HELZ: variants seen among roughly 807,000 people sequenced by gnomAD.
The protein encoded by HELZ is helicase with zinc finger, also known as ATP-dependent RNA helicase with zinc finger domain.
In HELZ, 23 loss-of-function variants were observed where a neutral mutation model predicts 218.2. That is an observed-to-expected ratio of 0.11 (90% confidence interval 0.08 to 0.15). The LOEUF (loss-of-function observed/expected upper bound fraction) is 0.15, where lower values mean the gene tolerates loss of function less well. Among genes scored for constraint, HELZ ranks in the 10% least tolerant of loss-of-function variants. The pLI, the probability that HELZ is intolerant of heterozygous loss-of-function variation, is 1.00. For missense variants in HELZ, 1,813 were observed against 2,353.7 expected, an observed-to-expected ratio of 0.77 and a Z score of 4.75; for synonymous variants, 814 against 829.4, an observed-to-expected ratio of 0.98 and a Z score of 0.32.
In HELZ at chr17:67,072,656, G is replaced by C. The variant is rs1318049442; in HGVS notation, c.*5596C>G. ...CGGAAGAGCAGTGCAGACCCCAGCA[G>C]GGGTGAGAGTGAGGAGGGGTGGTGG... On this transcript the variant is annotated 3_prime_UTR_variant, in exon 33 of 33. Coordinates refer to ENST00000358691, the MANE Select transcript of HELZ (RefSeq NM_014877.4). 1 of 152,284 alleles carries C rather than the reference G, an allele frequency of 6.6e-6. No individual in the cohort carries two copies. Among genetic ancestry groups the C allele is most frequent in the South Asian group, 2.1e-4 (1 of 4,836 alleles). The allele number at this position is 152,284 out of a possible 1,614,324, so 9.4% of individuals were successfully genotyped here.
rs942332794 is a variant in HELZ, at chr17:67,178,545, T to A, written c.1430+114A>T. 9.7e-6 allele frequency: 8 copies of A among 826,088 alleles called. No homozygotes were observed. In the African/African-American group the frequency reaches 1.4e-4, roughly 14 times the overall value. 51.2% of individuals were successfully genotyped at this position (826,088 alleles called of 1,614,324 possible). On this transcript the variant is annotated intron_variant, in intron 13 of 32. Coordinates refer to ENST00000358691, the MANE Select transcript of HELZ (RefSeq NM_014877.4). ...TCCTTTAAAGATAGAATACAGTTAT[T>A]CAATAACAACCATTTACTACCTGTC...
At chr17:67,244,922 G>T in intron 1 of HELZ, 1 of 985,882 alleles carries the variant, frequency 1.0e-6, no homozygotes, top group Non-Finnish European at 1.2e-6. Context: ...GGAGGGGAAG[G>T]GGACTAAGTA....
intron 3 of HELZ, among the ~76,000 whole-genome samples, chr17:67,230,411 C>T (rs2041005085): frequency 1.3e-5 from 2 of 152,018 alleles, no homozygotes; most frequent in South Asian, 4.1e-4. Flanking sequence ...TCCTGGCCAA[C>T]ATGGTGAAAC....
At chr17:67,196,382 T>C (rs2040028845) in intron 7 of HELZ, among the ~76,000 whole-genome samples, 1 of 152,212 alleles carries the variant, frequency 6.6e-6, no homozygotes. Flanking sequence ...ACCATAGCAC[T>C]TTTTCTAAAC....
At chr17:67,180,360 T>TA (rs969700778) in intron 12 of HELZ, among the ~76,000 whole-genome samples, 6 of 151,696 alleles carry the variant, frequency 4.0e-5, no homozygotes, top group South Asian at 2.1e-4. Flanking sequence ...TAACTATCAT[T>TA]AAAAAAAATA....
intron 3 of HELZ, among the ~76,000 whole-genome samples, chr17:67,220,115 C>G (rs2040705652): frequency 6.6e-6 from 1 of 152,188 alleles, no homozygotes; most frequent in South Asian, 2.1e-4. Context: ...CCGCCTGCCT[C>G]CAGCCTACAT....
chr17:67,108,675 C>T lies in HELZ; in HGVS notation c.4541G>A (p.Arg1514Gln), dbSNP rs547752300. 5.2e-5 allele frequency: 84 copies of T among 1,614,044 alleles called. No homozygotes were observed. The South Asian group carries it at 7.7e-4, about 15-fold the overall frequency. ...ALETLRQQQA[R>Q]FQQWSEHHAF... ...ATGATGCTCGCTCCACTGCTGGAAC[C>T]GTGCCTGCTGCTGCCTTAATGTTTC... The change falls in exon 30 of 33, where the codon CGG becomes CAG. Residue 1514 changes from arginine to glutamine, a missense_variant. Transcript: ENST00000358691. This position sits in a 1 kb window ranked among gnomAD's most constrained non-coding sequence, Gnocchi z 4.1.
chr17:67,183,442 T>C (rs77696989), intron 12 of HELZ, among the ~76,000 whole-genome samples: 2,383 of 152,336 alleles, frequency 0.016, 70 homozygotes, highest in African/African-American at 0.052. Flanking sequence ...TCTGATCATG[T>C]AACAGTATGT....
chr17:67,107,757 C>T (rs1281693817), intron 30 of HELZ, 72 bp from the exon 31 acceptor site: 10 of 1,359,990 alleles, frequency 7.4e-6, no homozygotes, highest in Non-Finnish European at 8.1e-6. Flanking sequence ...TAGTCAACTA[C>T]ACATGTATTT....
At chr17:67,169,358 C>CT (rs1335683062) in intron 13 of HELZ, among the ~76,000 whole-genome samples, 2 of 152,112 alleles carry the variant, frequency 1.3e-5, no homozygotes, top group Non-Finnish European at 2.9e-5. Context: ...AAGGGGCTGG[C>CT]ATATGGTGAT....
chr17:67,213,725 A>G (rs2040516857), intron 5 of HELZ, among the ~76,000 whole-genome samples: 1 of 152,190 alleles, frequency 6.6e-6, no homozygotes, highest in Admixed American at 6.5e-5. Context: ...AAGAAAGAAC[A>G]TATGTTTATT....
At chr17:67,101,977 C>T (rs2036944233) in intron 31 of HELZ, among the ~76,000 whole-genome samples, 1 of 152,180 alleles carries the variant, frequency 6.6e-6, no homozygotes, top group Admixed American at 6.5e-5. Flanking sequence ...TCCTCCTCAT[C>T]CCATCACACC....
intron 21 of HELZ, among the ~76,000 whole-genome samples, chr17:67,140,364 C>T (rs1427566730): frequency 2.0e-5 from 3 of 152,270 alleles, no homozygotes; most frequent in South Asian, 4.1e-4. Context: ...ATTCTGCCTC[C>T]GCCAAGAGAC....
intron 32 of HELZ, among the ~76,000 whole-genome samples, chr17:67,081,327 C>T (rs2036182667): frequency 6.6e-6 from 1 of 152,112 alleles, no homozygotes; most frequent in Non-Finnish European, 1.5e-5. Flanking sequence ...TAGCCCTTAC[C>T]CTAACTGATA....
intron 7 of HELZ, 83 bp from the exon 8 acceptor site, chr17:67,195,553 C>G (rs996423774): frequency 1.3e-6 from 1 of 797,904 alleles, no homozygotes; most frequent in African/African-American, 1.7e-5. Flanking sequence ...AATATTAAAA[C>G]AAAGGTGAAG....
At chr17:67,110,311 C>T (rs992514162) in intron 28 of HELZ, among the ~76,000 whole-genome samples, 7 of 152,100 alleles carry the variant, frequency 4.6e-5, no homozygotes, top group African/African-American at 1.4e-4. Flanking sequence ...TCAGGTGATC[C>T]GCCTGCCTCG....
At chr17:67,121,202 T>C (rs1452413805) in intron 26 of HELZ, among the ~76,000 whole-genome samples, 1 of 152,232 alleles carries the variant, frequency 6.6e-6, no homozygotes, top group Admixed American at 6.5e-5. Context: ...TTTAAGTGTG[T>C]CTAGATATAT....
rs987129789 is a variant in HELZ, at chr17:67,077,572, G to A, written c.*680C>T. ...CCAAAAAATAACTAAGTATGCCAAC[G>A]TTTTTTTCACATTTCAAAAAACAGT... is the stretch of plus-strand genomic sequence containing the variant. On this transcript the variant is annotated 3_prime_UTR_variant, in exon 33 of 33. Transcript: ENST00000358691. 2.0e-5 allele frequency: 3 copies of A among 151,712 alleles called. No homozygotes were observed. The highest frequency in any genetic ancestry group is 6.6e-5 in the Admixed American group (1 of 15,230). The allele number at this position is 151,712 out of a possible 1,614,324, so 9.4% of individuals were successfully genotyped here. A position where few individuals can be genotyped will look rare whatever the true frequency, so the allele number is the denominator to read the frequency against.
rs8072312 is a variant in HELZ at position 67,237,062 on chromosome 17, G to A, written c.-19+2371C>T. ...CACTCAAGAAACAAAGAACCTGGCCGGGCGTAGTGGTTCACGCCTGTAATC... is the reference window on the plus strand; with the variant it reads ...CACTCAAGAAACAAAGAACCTGGCCAGGCGTAGTGGTTCACGCCTGTAATC... On this transcript the variant is annotated intron_variant, in intron 3 of 32. Transcript: ENST00000358691. Among the ~76,000 whole-genome samples the A allele has an allele frequency of 3.8e-3, 574 of 152,278 alleles. 2 individuals carry two copies. Among genetic ancestry groups the A allele is most frequent in the African/African-American group, 0.013 (543 of 41,564 alleles).
Sources: allele counts gnomAD v4.1 joint callset (sites outside exome capture counted in the v4.1 genomes callset), GRCh38; gene constraint gnomAD v4.1.1; non-coding constraint Gnocchi (gnomAD v3.1); transcripts MANE v1.5; gene names NCBI Gene and HGNC (gene_info 2026-07-23, HGNC 2026-07-21).